The following XPO7 variants were observed in gnomAD, a reference collection of about 807,000 sequenced individuals.
XPO7 encodes exportin-7.
A neutral mutation model predicts 144.3 loss-of-function variants in XPO7; 21 were observed. The observed-to-expected ratio is 0.15, with a 90% CI of 0.10 to 0.21. XPO7 has a LOEUF of 0.21. Among genes scored for constraint, XPO7 ranks in the 10% least tolerant of loss-of-function variants. XPO7 has a pLI of 1.00. For missense variants in XPO7, 808 were observed against 1,325.8 expected, an observed-to-expected ratio of 0.61 and a Z score of 6.06; for synonymous variants, 580 against 499.6, an observed-to-expected ratio of 1.16 and a Z score of -2.15.
At chr8:21,980,817 A>G (rs1223305765) in intron 9 of XPO7, among the ~76,000 whole-genome samples, 1 of 151,236 alleles carries the variant, frequency 6.6e-6, no homozygotes, top group African/African-American at 2.4e-5. Flanking sequence ...GATTTTGTTT[A>G]CCATTTTTAA....
chr8:21,991,067 G>A (rs1390794317), intron 18 of XPO7, 148 bp downstream of exon 18: 2 of 726,742 alleles, frequency 2.8e-6, no homozygotes, highest in East Asian at 2.5e-5. Context: ...ATTTCACCAA[G>A]AACAGATCAT....
intron 1 of XPO7, among the ~76,000 whole-genome samples, chr8:21,953,713 T>C (rs559959016): frequency 6.6e-6 from 1 of 152,228 alleles, no homozygotes; most frequent in Admixed American, 6.5e-5. Context: ...CTAATAGGTG[T>C]GTAGTAGTAT....
chr8:21,928,727 C>A (rs1810542603), intron 1 of XPO7, among the ~76,000 whole-genome samples: 1 of 152,302 alleles, frequency 6.6e-6, no homozygotes, highest in East Asian at 1.9e-4. Flanking sequence ...ATGGCCTGCA[C>A]CCTGAGAATA....
intron 8 of XPO7, among the ~76,000 whole-genome samples, 157 bp from the exon 9 acceptor site, chr8:21,979,927 G>T (rs1411012958): frequency 6.6e-6 from 1 of 151,766 alleles, no homozygotes; most frequent in Non-Finnish European, 1.5e-5. Flanking sequence ...ATGGGCTGCC[G>T]TGGTCTGCTT....
chr8:21,988,871 T>C (rs1193367260), intron 15 of XPO7, 132 bp from the exon 16 acceptor site: 1 of 710,992 alleles, frequency 1.4e-6, no homozygotes, highest in African/African-American at 1.8e-5. Context: ...TTTTTTGTGG[T>C]CGTGATGTCT....
intron 1 of XPO7, among the ~76,000 whole-genome samples, chr8:21,930,657 G>C (rs1283077501): frequency 1.3e-5 from 2 of 152,198 alleles, no homozygotes; most frequent in Non-Finnish European, 2.9e-5. Flanking sequence ...GGTAGGAAGA[G>C]ACCAGGACAT....
chr8:22,000,679 T>C (rs1813111256), intron 24 of XPO7, among the ~76,000 whole-genome samples: 1 of 152,102 alleles, frequency 6.6e-6, no homozygotes, highest in African/African-American at 2.4e-5. Flanking sequence ...AGTCTCAATC[T>C]CCTGACCTCA....
At position 21,925,990 on chromosome 8, in the gene XPO7, C is replaced by G. The variant is rs182986291; in HGVS notation, c.18+6202C>G. On this transcript the variant is annotated intron_variant, in intron 1 of 27. Coordinates refer to ENST00000252512, the MANE Select transcript of XPO7 (RefSeq NM_015024.5). ...AGCTCTCTTATGCCCCAAACAGTAACGAAAGAGGTCTCTTAGTTGGACAAT... is the reference window on the plus strand; with the variant it reads ...AGCTCTCTTATGCCCCAAACAGTAAGGAAAGAGGTCTCTTAGTTGGACAAT... Among the ~76,000 whole-genome samples the G allele has an allele frequency of 3.2e-3, 490 of 152,114 alleles. 5 individuals carry two copies. Among genetic ancestry groups the G allele is most frequent in the Non-Finnish European group, 5.0e-3 (338 of 68,012 alleles).
chr8:22,004,954 C>A, intron 27 of XPO7, 41 bp from the exon 28 acceptor site: 1 of 1,058,420 alleles, frequency 9.4e-7, no homozygotes, highest in Non-Finnish European at 1.4e-6. Context: ...TACCTTTCCC[C>A]CCCACTCTCC....
At chr8:21,966,403 A>G (rs920631933) in intron 1 of XPO7, 18 of 724,844 alleles carry the variant, frequency 2.5e-5, no homozygotes, top group Non-Finnish European at 3.3e-5. Context: ...GCTAATAACT[A>G]CTACTCAAAG....
chr8:21,924,274 A>G (rs1008819064), intron 1 of XPO7, among the ~76,000 whole-genome samples: 9 of 152,260 alleles, frequency 5.9e-5, no homozygotes, highest in Admixed American at 2.6e-4. Context: ...ATTTTTTTCA[A>G]AAACTTTTTA....
At chr8:21,967,135 T>C in intron 2 of XPO7, 132 bp downstream of exon 2, 1 of 1,271,256 alleles carries the variant, frequency 7.9e-7, no homozygotes. Context: ...ATTTTCACTT[T>C]TAAGAAGTAC....
At chr8:21,956,897 A>G (rs757098331) in intron 1 of XPO7, among the ~76,000 whole-genome samples, 1 of 151,892 alleles carries the variant, frequency 6.6e-6, no homozygotes, top group African/African-American at 2.4e-5. Context: ...TCTATCTTCC[A>G]TGTTAAAGGC....
intron 1 of XPO7, among the ~76,000 whole-genome samples, chr8:21,939,850 T>C (rs983655428): frequency 2.0e-5 from 3 of 152,248 alleles, no homozygotes; most frequent in African/African-American, 4.8e-5. Flanking sequence ...TTGAAGAATA[T>C]TTTCAAATGT....
At position 21,967,817 on chromosome 8, in the gene XPO7, G is replaced by T. The variant is rs569057790; in HGVS notation, c.165+814G>T. 3.3e-5 allele frequency among the ~76,000 whole-genome samples: 5 copies of T among 152,242 alleles called. No homozygotes were observed. In the South Asian group the frequency reaches 8.3e-4, roughly 25 times the overall value. ...TAGAACCTCCTCCAGCTTAAAAATG[G>T]CATTGCAGTGATCAAAATAATGTTC... On this transcript the variant is annotated intron_variant, in intron 2 of 27. Transcript: ENST00000252512.
chr8:21,962,221 G>A (rs868102155), intron 1 of XPO7, among the ~76,000 whole-genome samples: 2 of 152,186 alleles, frequency 1.3e-5, no homozygotes, highest in African/African-American at 4.8e-5. Flanking sequence ...TAACTTTTGA[G>A]AGGTCTACTG....
intron 16 of XPO7, among the ~76,000 whole-genome samples, chr8:21,989,475 T>G (rs1812688353): frequency 1.3e-5 from 2 of 152,224 alleles, no homozygotes; most frequent in South Asian, 4.1e-4. Flanking sequence ...GTGATTGAAG[T>G]GATGACTATG....
rs1201173191 is a variant in XPO7 at position 21,919,675 on chromosome 8, AGCGGCGACGGCGTCGGCGGCGGCG to A, written c.-90_-67del. On this transcript the variant is annotated 5_prime_UTR_variant, in exon 1 of 28. Coordinates refer to ENST00000252512, the MANE Select transcript of XPO7 (RefSeq NM_015024.5). ...CGACGAGTCCCCAGCGCGCAGGCGC[AGCGGCGACGGCGTCGGCGGCGGCG>A]GCGGCAGCGGCTCCGGCCGAGGTGC... 5.5e-6 allele frequency: 1 copy of A among 180,494 alleles called. No individual in the cohort carries two copies. The highest frequency in any genetic ancestry group is 2.4e-5 in the African/African-American group (1 of 41,612). The allele number at this position is 180,494 out of a possible 1,614,324, so 11.2% of individuals were successfully genotyped here.
At chr8:21,927,559 T>C (rs1219698632) in intron 1 of XPO7, among the ~76,000 whole-genome samples, 19 of 123,604 alleles carry the variant, frequency 1.5e-4, no homozygotes, top group East Asian at 2.2e-4. Context: ...TTTTTTTTTT[T>C]CTTAAGATGG....
Sources: allele counts gnomAD v4.1 joint callset (sites outside exome capture counted in the v4.1 genomes callset), GRCh38; gene constraint gnomAD v4.1.1; transcripts MANE v1.5; gene names NCBI Gene and HGNC (gene_info 2026-07-23, HGNC 2026-07-21).